Variants in TSHZ2 observed in about 807,000 individuals in gnomAD.
The protein encoded by TSHZ2 is teashirt homolog 2.
TSHZ2 carries 21 observed loss-of-function variants against 74.4 expected under a neutral mutation model. That is an observed-to-expected ratio of 0.28 (90% confidence interval 0.20 to 0.41). The LOEUF is 0.41. Among genes scored for constraint, TSHZ2 ranks in the 10% least tolerant of loss-of-function variants. The pLI is 1.00. For missense variants in TSHZ2, 1,244 were observed against 1,293.5 expected (o/e 0.96, Z 0.59); for synonymous variants, 540 against 515.3 (o/e 1.05, Z -0.65).
intron 1 of TSHZ2, among the ~76,000 whole-genome samples, chr20:53,220,392 A>G (rs1989526206): frequency 1.3e-5 from 2 of 152,254 alleles, no homozygotes; most frequent in South Asian, 2.1e-4. Context: ...TTAGCCTCAC[A>G]TCTATTGAAA....
chr20:53,187,760 G>C (rs1476199566), intron 1 of TSHZ2, among the ~76,000 whole-genome samples: 3 of 152,052 alleles, frequency 2.0e-5, no homozygotes, highest in Non-Finnish European at 4.4e-5. Context: ...TATGTGCTTG[G>C]GATAATAATT....
At chr20:53,197,840 G>T (rs1988909368) in intron 1 of TSHZ2, among the ~76,000 whole-genome samples, 1 of 152,158 alleles carries the variant, frequency 6.6e-6, no homozygotes, top group Non-Finnish European at 1.5e-5. Flanking sequence ...CACCAAGGGA[G>T]GACATTTTTC....
chr20:53,303,593 T>C (rs1487766352), intron 2 of TSHZ2, among the ~76,000 whole-genome samples: 1 of 152,184 alleles, frequency 6.6e-6, no homozygotes, highest in Non-Finnish European at 1.5e-5. Context: ...TCCAGTGCCC[T>C]CTTGACGTTT....
chr20:53,071,435 G>A lies in TSHZ2; in HGVS notation c.40+98102G>A, dbSNP rs1031888977. Among the ~76,000 whole-genome samples the A allele has an allele frequency of 3.3e-5, 5 of 152,176 alleles. No homozygotes were observed. In the East Asian group the frequency reaches 9.6e-4, roughly 29 times the overall value. On this transcript the variant is annotated intron_variant, in intron 1 of 2. Coordinates refer to ENST00000371497, the MANE Select transcript of TSHZ2 (RefSeq NM_173485.6). ...GCTGCTAGTGTCCCCAAAAGATAAA[G>A]CAACTACAGCTGCCATAATTGGCAA... is the stretch of plus-strand genomic sequence containing the variant.
intron 1 of TSHZ2, among the ~76,000 whole-genome samples, chr20:53,014,224 G>A (rs1363023142): frequency 6.6e-6 from 1 of 151,230 alleles, no homozygotes; most frequent in African/African-American, 2.4e-5. Context: ...AGAGAGAGAA[G>A]AGAGCGAGTG....
At chr20:53,282,673 G>A (rs990401861) in intron 2 of TSHZ2, among the ~76,000 whole-genome samples, 1 of 152,160 alleles carries the variant, frequency 6.6e-6, no homozygotes, top group Admixed American at 6.5e-5. Context: ...ATTTAAGGCC[G>A]GTTCTGACAC....
chr20:53,346,628 A>G (rs1980449879), intron 2 of TSHZ2, among the ~76,000 whole-genome samples: 1 of 152,244 alleles, frequency 6.6e-6, no homozygotes, highest in Admixed American at 6.5e-5. Flanking sequence ...AGGCCAGGCC[A>G]CAGGTTGAGG....
intron 1 of TSHZ2, among the ~76,000 whole-genome samples, chr20:53,209,552 T>C (rs2123605649): frequency 6.6e-6 from 1 of 152,328 alleles, no homozygotes; most frequent in South Asian, 2.1e-4. Flanking sequence ...AATTAGGATA[T>C]ATCAATACTA....
intron 1 of TSHZ2, among the ~76,000 whole-genome samples, chr20:53,127,553 T>C (rs1259671008): frequency 6.6e-6 from 1 of 152,104 alleles, no homozygotes; most frequent in East Asian, 1.9e-4. Context: ...AAAAACTTTT[T>C]TTAATAGAAA....
intron 1 of TSHZ2, among the ~76,000 whole-genome samples, chr20:53,229,910 AAAG>A (rs1374385633): frequency 1.1e-4 from 16 of 151,102 alleles, no homozygotes; most frequent in African/African-American, 2.2e-4. Context: ...GAGGGGAAAA[AAAG>A]AGAAAGAAGA....
chr20:53,167,640 A>G (rs1351852969), intron 1 of TSHZ2, among the ~76,000 whole-genome samples: 2 of 152,148 alleles, frequency 1.3e-5, no homozygotes, highest in Non-Finnish European at 2.9e-5. Flanking sequence ...CTCATATCAT[A>G]TCAATTGGAT....
At chr20:53,261,069 G>T (rs1166793942) in intron 2 of TSHZ2, among the ~76,000 whole-genome samples, 7 of 152,212 alleles carry the variant, frequency 4.6e-5, no homozygotes, top group Non-Finnish European at 5.9e-5. Flanking sequence ...AAACCTGGAG[G>T]TAGGTTTTGA....
At chr20:52,985,570 G>A (rs1042385049) in intron 1 of TSHZ2, among the ~76,000 whole-genome samples, 7 of 152,122 alleles carry the variant, frequency 4.6e-5, no homozygotes, top group Non-Finnish European at 8.8e-5. Flanking sequence ...TGCATACAGC[G>A]AGTGCTCAAT....
chr20:52,986,308 A>G (rs1285771195), intron 1 of TSHZ2, among the ~76,000 whole-genome samples: 6 of 151,562 alleles, frequency 4.0e-5, no homozygotes, highest in Non-Finnish European at 1.5e-5. Context: ...AGGCTGAAGC[A>G]GGAGAATTGC....
At chr20:53,307,873 T>G (rs2145494355) in intron 2 of TSHZ2, among the ~76,000 whole-genome samples, 1 of 152,164 alleles carries the variant, frequency 6.6e-6, no homozygotes, top group South Asian at 2.1e-4. Flanking sequence ...TTACCCCAAC[T>G]CAGACTCAAT....
chr20:53,459,016 G>C (rs1490430763), intron 2 of TSHZ2, among the ~76,000 whole-genome samples: 3 of 152,088 alleles, frequency 2.0e-5, no homozygotes, highest in African/African-American at 7.2e-5. Context: ...GTGTGGTGCG[G>C]TGCTGAAAAA....
At chr20:53,284,715 T>TCC (rs60612856) in intron 2 of TSHZ2, among the ~76,000 whole-genome samples, 10 of 116,664 alleles carry the variant, frequency 8.6e-5, no homozygotes, top group African/African-American at 2.9e-4. Flanking sequence ...TACACGCCCG[T>TCC]CCCCCCCACC....
intron 2 of TSHZ2, among the ~76,000 whole-genome samples, chr20:53,273,949 A>G (rs558756201): frequency 1.3e-5 from 2 of 152,240 alleles, no homozygotes; most frequent in African/African-American, 4.8e-5. Flanking sequence ...GCATGCCATC[A>G]CTGCCCATCT....
intron 2 of TSHZ2, among the ~76,000 whole-genome samples, chr20:53,443,487 G>A (rs1273614435): frequency 6.6e-6 from 1 of 152,190 alleles, no homozygotes; most frequent in African/African-American, 2.4e-5. Flanking sequence ...AGAAAGAGAT[G>A]TCCATGCAAA....
Sources: gnomAD v4.1 joint callset for allele counts (sites outside exome capture counted in the v4.1 genomes callset) on GRCh38, gnomAD v4.1.1 for gene constraint, MANE v1.5 for transcripts, NCBI Gene and HGNC (gene_info 2026-07-23, HGNC 2026-07-21) for gene names.